NHSL1: variants seen among roughly 807,000 people sequenced by gnomAD.
NHSL1 encodes the protein NHS like 1, also known as NHS-like protein 1.
Under a neutral mutation model 95.0 loss-of-function variants are expected in NHSL1, and 48 were observed. That is an observed-to-expected ratio of 0.51 (90% CI 0.40 to 0.64). The LOEUF is 0.64. NHSL1 is among the 30% of genes least tolerant of loss of function. The probability of loss-of-function intolerance (pLI) is 0.00; values close to 1 mark genes in which losing one functional copy is unlikely to be tolerated. For synonymous variants in NHSL1, 783 were observed against 833.9 expected, an observed-to-expected ratio of 0.94 and a Z score of 1.05; for missense variants, 1,971 against 2,077.7, an observed-to-expected ratio of 0.95 and a Z score of 1.00.
At chr6:138,625,110 C>T (rs1382000622) in intron 1 of NHSL1, among the ~76,000 whole-genome samples, 1 of 151,624 alleles carries the variant, frequency 6.6e-6, no homozygotes, top group Non-Finnish European at 1.5e-5. Flanking sequence ...ATAATTAAAT[C>T]ATCAATTAAC....
intron 1 of NHSL1, among the ~76,000 whole-genome samples, chr6:138,566,878 A>T (rs1783638622): frequency 6.6e-6 from 1 of 152,162 alleles, no homozygotes; most frequent in Non-Finnish European, 1.5e-5. Flanking sequence ...TGTCAACTTC[A>T]GTAGGAAGTA....
At position 138,473,432 on chromosome 6, in the gene NHSL1, T is replaced by C. The variant is rs1449586491; in HGVS notation, c.213A>G (p.Glu71=). The change falls in exon 3 of 8, where the codon GAA becomes GAG. Residue 71 remains glutamate (E), a splice_region_variant and synonymous_variant. Coordinates refer to ENST00000343505, the MANE Select transcript of NHSL1 (RefSeq NM_001144060.2). ...AKLNLKSVLR[E]CDKLRHDGYR... ...AGCCATCATGCCGCAACTTATCGCA[T>C]TCTGCAGAGGGGCACGCAGGGAGGG... is the stretch of plus-strand genomic sequence containing the variant. 2.7e-6 allele frequency: 4 copies of C among 1,493,994 alleles called. No individual in the cohort carries two copies. The East Asian group carries it at 1.0e-4, about 39-fold the overall frequency. 92.5% of individuals were successfully genotyped at this position (1,493,994 alleles called of 1,614,324 possible). A position where few individuals can be genotyped will look rare whatever the true frequency, so the allele number is the denominator to read the frequency against.
intron 1 of NHSL1, among the ~76,000 whole-genome samples, chr6:138,520,051 T>C (rs1465029745): frequency 3.3e-5 from 5 of 152,160 alleles, no homozygotes; most frequent in Admixed American, 2.6e-4. Flanking sequence ...CAATTCATTA[T>C]TGCCCAAATC....
intron 1 of NHSL1, among the ~76,000 whole-genome samples, chr6:138,586,414 C>T (rs1784136571): frequency 6.6e-6 from 1 of 152,140 alleles, no homozygotes; most frequent in South Asian, 2.1e-4. Context: ...TAATTTATAA[C>T]ATAGTCCAAC....
intron 1 of NHSL1, among the ~76,000 whole-genome samples, chr6:138,595,886 T>C (rs976354971): frequency 6.6e-6 from 1 of 152,166 alleles, no homozygotes; most frequent in African/African-American, 2.4e-5. Flanking sequence ...ATCTGTATAA[T>C]TGGCAGAGGG....
intron 3 of NHSL1, among the ~76,000 whole-genome samples, chr6:138,463,781 G>C (rs1054407627): frequency 2.0e-5 from 3 of 151,944 alleles, no homozygotes; most frequent in African/African-American, 7.3e-5. Flanking sequence ...CTTGTGTGAC[G>C]TTCTTATATG....
Position 138,432,373 on chromosome 6 carries a change from A to G in NHSL1, c.1972T>C (p.Ser658Pro). ...QGDRSNYQDK[S>P]LSRNISLKKA... ...TTCAAAGAGATGTTTCTTGATAGGG[A>G]TTTATCCTGGTAATTGGACCGGTCC... The change falls in exon 6 of 8, where the codon TCC (serine) becomes CCC (proline). Residue 658 changes from serine (S) to proline (P), a missense_variant. Around this residue, in one of 3 missense-constraint regions of NHSL1, gnomAD observed 1,602 missense variants for 1,654.5 expected, o/e 0.97. Coordinates refer to ENST00000343505, the MANE Select transcript of NHSL1 (RefSeq NM_001144060.2). The surrounding 1 kb of genome is among the most constrained non-coding windows in gnomAD (Gnocchi z 4.4). The G allele has an allele frequency of 6.4e-7, 1 of 1,551,762 alleles. No individual in the cohort carries two copies. The highest frequency in any genetic ancestry group is 2.4e-5 in the East Asian group (1 of 40,884).
At chr6:138,674,561 C>A (rs1562409784) in intron 1 of NHSL1, among the ~76,000 whole-genome samples, 1 of 152,268 alleles carries the variant, frequency 6.6e-6, no homozygotes, top group Non-Finnish European at 1.5e-5. Context: ...TAAGTGAGAA[C>A]ATACAGCGTT....
rs770131565 is a variant in NHSL1, at chr6:138,424,352, A to T, written c.4550T>A (p.Ile1517Asn). The T allele has an allele frequency of 6.5e-7, 1 of 1,546,120 alleles. No individual in the cohort carries two copies. ...ASSRYSMRNR[I>N]QSSPMTVISE... Reference sequence around the variant, plus strand: ...GATGACGGTCATGGGGCTGCTCTGGATCCGGTTCCGCATGCTGTACCTGCT... The same window carrying T: ...GATGACGGTCATGGGGCTGCTCTGGTTCCGGTTCCGCATGCTGTACCTGCT... Residue 1517 changes from isoleucine (I) to asparagine (N), a missense_variant, in exon 8 of 8, where the codon ATC becomes AAC. Around this residue, in one of 3 missense-constraint regions of NHSL1, gnomAD observed 223 missense variants for 217.0 expected, o/e 1.03. Transcript: ENST00000343505. The surrounding 1 kb of genome is among the most constrained non-coding windows in gnomAD (Gnocchi z 5.9).
intron 1 of NHSL1, among the ~76,000 whole-genome samples, chr6:138,604,127 A>G (rs1156229688): frequency 2.6e-5 from 4 of 152,232 alleles, no homozygotes; most frequent in Non-Finnish European, 4.4e-5. Context: ...ACATGGATCA[A>G]CTTAAGTAGC....
chr6:138,469,257 G>T (rs1228652063), intron 3 of NHSL1, among the ~76,000 whole-genome samples: 1 of 152,162 alleles, frequency 6.6e-6, no homozygotes, highest in Non-Finnish European at 1.5e-5. Flanking sequence ...GTACTATGCG[G>T]ATGCACACAA....
intron 1 of NHSL1, among the ~76,000 whole-genome samples, chr6:138,620,491 C>A (rs564264877): frequency 6.6e-6 from 1 of 151,680 alleles, no homozygotes; most frequent in Non-Finnish European, 1.5e-5. Flanking sequence ...TGAAATATGA[C>A]GAAGTCAAAA....
intron 1 of NHSL1, among the ~76,000 whole-genome samples, chr6:138,541,353 C>T (rs765403026): frequency 2.6e-5 from 4 of 151,968 alleles, no homozygotes; most frequent in Non-Finnish European, 5.9e-5. Context: ...GGCAACAGAG[C>T]GAGACTCTGT....
At chr6:138,462,280 T>C (rs1157455513) in intron 3 of NHSL1, among the ~76,000 whole-genome samples, 2 of 152,106 alleles carry the variant, frequency 1.3e-5, no homozygotes, top group Non-Finnish European at 2.9e-5. Flanking sequence ...TGTCAAAACA[T>C]GGTGGAGATG....
chr6:138,504,099 G>A (rs981339337), upstream of NHSL1, among the ~76,000 whole-genome samples: 2 of 152,084 alleles, frequency 1.3e-5, no homozygotes. Context: ...GCCCGGTGTG[G>A]TGGTTCATGC....
chr6:138,667,834 T>C (rs1785314349), intron 1 of NHSL1, among the ~76,000 whole-genome samples: 1 of 152,244 alleles, frequency 6.6e-6, no homozygotes, highest in Admixed American at 6.5e-5. Flanking sequence ...GAAAATATTC[T>C]TGATTTTCAA....
rs1780351307 is a variant in NHSL1 at position 138,496,365 on chromosome 6, G to A, written c.65C>T (p.Ser22Phe). Reference sequence around the variant, plus strand: ...CCATCGGCTTTCCTCATCTAGGTTGGAAACCGCTATAGAAAAAAAGATAGA... The same window carrying A: ...CCATCGGCTTTCCTCATCTAGGTTGAAAACCGCTATAGAAAAAAAGATAGA... ...LIKLFKKKTV[S>F]NLDEESRWTV... Residue 22 changes from serine to phenylalanine, a missense_variant, in exon 2 of 8, where the codon TCC (serine) becomes TTC (phenylalanine). Coordinates refer to ENST00000343505, the MANE Select transcript of NHSL1 (RefSeq NM_001144060.2). 6 of 1,549,998 alleles carry A rather than the reference G, an allele frequency of 3.9e-6. No homozygotes were observed. The highest frequency in any genetic ancestry group is 1.4e-5 in the African/African-American group (1 of 72,936).
intron 2 of NHSL1, among the ~76,000 whole-genome samples, chr6:138,476,844 A>AG (rs1779103540): frequency 6.6e-6 from 1 of 151,782 alleles, no homozygotes; most frequent in South Asian, 2.1e-4. Context: ...AAGAAAAAAA[A>AG]TTATCTATTG....
chr6:138,604,107 C>A (rs1784403977), intron 1 of NHSL1, among the ~76,000 whole-genome samples: 1 of 152,164 alleles, frequency 6.6e-6, no homozygotes, highest in Non-Finnish European at 1.5e-5. Context: ...GAGTTGACCA[C>A]CCAGAGCTAA....
Sources: gnomAD v4.1 joint callset for allele counts (sites outside exome capture counted in the v4.1 genomes callset) on GRCh38, gnomAD v4.1.1 for gene constraint, gnomAD v4.1.1 regional missense constraint, Gnocchi (gnomAD v3.1) non-coding constraint, MANE v1.5 for transcripts, NCBI Gene and HGNC (gene_info 2026-07-23, HGNC 2026-07-21) for gene names.